Variants in FAM135A observed in about 807,000 individuals in gnomAD.
FAM135A encodes protein FAM135A.
Under a neutral mutation model 146.8 loss-of-function variants are expected in FAM135A, and 79 were observed. The ratio of observed to expected loss-of-function variants is 0.54; its 90% CI spans 0.45 to 0.65. FAM135A has a LOEUF of 0.65. FAM135A is among the 30% of genes least tolerant of loss of function. The pLI, the probability that FAM135A is intolerant of heterozygous loss-of-function variation, is 0.00. For missense variants in FAM135A, 1,623 were observed against 1,758.2 expected, an observed-to-expected ratio of 0.92 and a Z score of 1.38; for synonymous variants, 562 against 603.6, an observed-to-expected ratio of 0.93 and a Z score of 1.01.
chr6:70,470,185 A>T (rs1442378428), intron 5 of FAM135A, among the ~76,000 whole-genome samples: 1 of 152,182 alleles, frequency 6.6e-6, no homozygotes, highest in Admixed American at 6.5e-5. Context: ...CTAAAGTCTG[A>T]TTGGAGTATG....
At chr6:70,515,366 G>C (rs1353734392) in intron 12 of FAM135A, among the ~76,000 whole-genome samples, 1 of 152,190 alleles carries the variant, frequency 6.6e-6, no homozygotes, top group Non-Finnish European at 1.5e-5. Context: ...ATGTCCTTCA[G>C]TAGGTAACTG....
chr6:70,556,917 A>G, intron 21 of FAM135A, 54 bp downstream of exon 21: 1 of 1,445,424 alleles, frequency 6.9e-7, no homozygotes, highest in Non-Finnish European at 9.6e-7. Flanking sequence ...GCTCTTTCCA[A>G]AATTTTTCTT....
intron 12 of FAM135A, among the ~76,000 whole-genome samples, chr6:70,518,028 G>A (rs1792696807): frequency 6.6e-6 from 1 of 152,192 alleles, no homozygotes; most frequent in African/African-American, 2.4e-5. Flanking sequence ...AGCTCGAGAT[G>A]ATTAAGCTTA....
At chr6:70,473,704 C>T (rs1782048896) in intron 5 of FAM135A, among the ~76,000 whole-genome samples, 1 of 152,112 alleles carries the variant, frequency 6.6e-6, no homozygotes, top group Non-Finnish European at 1.5e-5. Flanking sequence ...CTTATGTGGA[C>T]CTCCTCCTTA....
chr6:70,536,202 T>C, intron 18 of FAM135A, 58 bp from the exon 19 acceptor site: 1 of 1,500,272 alleles, frequency 6.7e-7, no homozygotes, highest in Admixed American at 2.2e-5. Context: ...GGATCAGCTT[T>C]GATTTTTGTT....
Position 70,525,383 on chromosome 6 carries a change from T to C in FAM135A, c.2299T>C (p.Phe767Leu). The C allele has an allele frequency of 4.3e-6, 7 of 1,613,752 alleles. No homozygotes were observed. The highest frequency in any genetic ancestry group is 5.9e-6 in the Non-Finnish European group (7 of 1,179,700). The change falls in exon 15 of 22, where the codon TTT becomes CTT. Residue 767 changes from phenylalanine (F) to leucine (L), a missense_variant. By Grantham distance (22) the Phe-to-Leu change is conservative. Around this residue, in one of 7 missense-constraint regions of FAM135A, gnomAD observed 1,061 missense variants for 1,113.8 expected, o/e 0.95. Coordinates refer to ENST00000418814, the MANE Select transcript of FAM135A (RefSeq NM_001162529.3). ...TAGTGCCACATATGCCTCATCTAGA[T>C]TTTCAGATTCAGGTGTTGAAAGTGA... ...DISATYASSR[F>L]SDSGVESEPS... is the part of the protein sequence containing the mutation.
intron 4 of FAM135A, among the ~76,000 whole-genome samples, chr6:70,448,535 C>T (rs373948939): frequency 2.0e-5 from 3 of 152,100 alleles, no homozygotes; most frequent in South Asian, 2.1e-4. Flanking sequence ...TTCGAGCCCC[C>T]GTGATGGACG....
At chr6:70,441,896 G>A (rs532998927) in intron 4 of FAM135A, among the ~76,000 whole-genome samples, 1 of 152,044 alleles carries the variant, frequency 6.6e-6, no homozygotes, top group Non-Finnish European at 1.5e-5. Context: ...TGTTGGCCAG[G>A]CTGGTCTCGT....
chr6:70,525,356 A>G lies in FAM135A; in HGVS notation c.2272A>G (p.Ile758Val), dbSNP rs762487456. ...VSGDTIKLPD[I>V]SATYASSRFS... ...TGGAGATACAATTAAGTTACCAGAT[A>G]TTAGTGCCACATATGCCTCATCTAG... is the stretch of plus-strand genomic sequence containing the variant. The change falls in exon 15 of 22, where the codon ATT becomes GTT. Residue 758 changes from isoleucine to valine, a missense_variant. Ile to Val is a conservative substitution (Grantham distance 29). Around this residue, in one of 7 missense-constraint regions of FAM135A, gnomAD observed 1,061 missense variants for 1,113.8 expected, o/e 0.95. Transcript: ENST00000418814. The G allele has an allele frequency of 2.5e-6, 4 of 1,613,558 alleles. 1 individual carries two copies. Among genetic ancestry groups the G allele is most frequent in the East Asian group, 4.5e-5 (2 of 44,862 alleles).
rs1427698888 is a variant in FAM135A, at chr6:70,454,897, T to C, written c.157+2326T>C. ...CAGCTTTGTTCTTTTTGCTTAGGATTGTCTTGGCAATGCAGGCTCTTTTTT... is the reference window on the plus strand; with the variant it reads ...CAGCTTTGTTCTTTTTGCTTAGGATCGTCTTGGCAATGCAGGCTCTTTTTT... On this transcript the variant is annotated intron_variant, in intron 5 of 21. Transcript: ENST00000418814. Among the ~76,000 whole-genome samples, 4 of 152,204 alleles carry C rather than the reference T, an allele frequency of 2.6e-5. No homozygotes were observed. In the East Asian group the frequency reaches 7.7e-4, roughly 29 times the overall value.
chr6:70,558,779 G>T (rs190196302), intron 21 of FAM135A, among the ~76,000 whole-genome samples: 33 of 152,172 alleles, frequency 2.2e-4, no homozygotes, highest in African/African-American at 7.9e-4. Flanking sequence ...TGATCATGCC[G>T]CTGCATTCCA....
In FAM135A at chr6:70,560,280, A is replaced by C. The variant is rs936474315; in HGVS notation, c.*359A>C. 6.3e-6 allele frequency: 1 copy of C among 157,486 alleles called. No homozygotes were observed. Among genetic ancestry groups the C allele is most frequent in the Admixed American group, 6.5e-5 (1 of 15,502 alleles). 9.8% of individuals were successfully genotyped at this position (157,486 alleles called of 1,614,324 possible). Reference sequence around the variant, plus strand: ...TATATTAGAGACCATTATTGCTAGAATAGCATGGGATTTAAAATTTTCTAA... The same window carrying C: ...TATATTAGAGACCATTATTGCTAGACTAGCATGGGATTTAAAATTTTCTAA... On this transcript the variant is annotated 3_prime_UTR_variant, in exon 22 of 22. Coordinates refer to ENST00000418814, the MANE Select transcript of FAM135A (RefSeq NM_001162529.3).
chr6:70,470,365 T>C (rs187000246), intron 5 of FAM135A, among the ~76,000 whole-genome samples: 60 of 152,284 alleles, frequency 3.9e-4, no homozygotes, highest in Admixed American at 3.9e-3. Context: ...ATTACTTCTT[T>C]TTTTTTGGAG....
chr6:70,441,140 C>T (rs978041560), intron 4 of FAM135A, among the ~76,000 whole-genome samples: 1 of 151,972 alleles, frequency 6.6e-6, no homozygotes, highest in Non-Finnish European at 1.5e-5. Flanking sequence ...ACGTCTGTTA[C>T]CCCAGCACTT....
At chr6:70,494,053 C>CAAA (rs35693076) in intron 11 of FAM135A, among the ~76,000 whole-genome samples, 16 of 81,922 alleles carry the variant, frequency 2.0e-4, no homozygotes, top group Non-Finnish European at 3.2e-4. Context: ...GACTCTGTCT[C>CAAA]AAAAAAAAAA....
intron 5 of FAM135A, among the ~76,000 whole-genome samples, chr6:70,458,530 C>T (rs1475644074): frequency 6.6e-6 from 1 of 152,222 alleles, no homozygotes; most frequent in Admixed American, 6.5e-5. Flanking sequence ...AACATGATTA[C>T]CTTGTATGTA....
At chr6:70,540,404 A>G (rs1350928674) in intron 20 of FAM135A, among the ~76,000 whole-genome samples, 1 of 141,832 alleles carries the variant, frequency 7.1e-6, no homozygotes, top group Non-Finnish European at 1.5e-5. Flanking sequence ...GGCTCGCTGC[A>G]AGCTCCGCCT....
intron 12 of FAM135A, among the ~76,000 whole-genome samples, chr6:70,522,293 A>G (rs1487592174): frequency 6.7e-6 from 1 of 149,650 alleles, no homozygotes; most frequent in East Asian, 1.9e-4. Flanking sequence ...GGTAAAGGCT[A>G]TGGTGGTAAT....
chr6:70,458,365 T>A (rs1281365149), intron 5 of FAM135A, among the ~76,000 whole-genome samples: 1 of 152,206 alleles, frequency 6.6e-6, no homozygotes, highest in Non-Finnish European at 1.5e-5. Context: ...ATATTTCAAA[T>A]ATTATATCAA....
Sources: allele counts gnomAD v4.1 joint callset (sites outside exome capture counted in the v4.1 genomes callset), GRCh38; gene constraint gnomAD v4.1.1; regional missense constraint gnomAD v4.1.1; transcripts MANE v1.5; gene names NCBI Gene and HGNC (gene_info 2026-07-23, HGNC 2026-07-21).